Variants in PROM1 observed in about 807,000 individuals in gnomAD.
PROM1 encodes prominin-1.
PROM1 carries 105 observed loss-of-function variants against 116.9 expected under a neutral mutation model. That is an observed-to-expected ratio of 0.90 (90% confidence interval 0.77 to 1.06). The LOEUF (loss-of-function observed/expected upper bound fraction) is 1.06, where lower values mean the gene tolerates loss of function less well. Among genes scored for constraint, PROM1 ranks in the 50% least tolerant of loss-of-function variants. The pLI, the probability that PROM1 is intolerant of heterozygous loss-of-function variation, is 0.00. For missense variants in PROM1, 1,122 were observed against 1,045.2 expected (o/e 1.07, Z -1.01); for synonymous variants, 393 against 387.0 (o/e 1.02, Z -0.18).
chr4:15,977,097 T>C (rs1716334521), intron 26 of PROM1, among the ~76,000 whole-genome samples: 1 of 152,196 alleles, frequency 6.6e-6, no homozygotes, highest in Non-Finnish European at 1.5e-5. Flanking sequence ...CCCCCTTTTT[T>C]TCACAACCAT....
At chr4:15,979,495 A>C (rs369940822) in intron 25 of PROM1, 32 bp from the exon 26 acceptor site, 28 of 1,587,062 alleles carry the variant, frequency 1.8e-5, no homozygotes, top group Non-Finnish European at 2.3e-5. Flanking sequence ...CAAAAACACC[A>C]TGTTATCTCT....
At chr4:15,992,452 G>T in intron 16 of PROM1, 61 bp from the exon 17 acceptor site, 4 of 1,556,884 alleles carry the variant, frequency 2.6e-6, no homozygotes, top group Non-Finnish European at 2.6e-6. Context: ...CAAACCAAAT[G>T]CTTTAAAAGA....
chr4:16,015,774 G>A (rs1728227384), intron 10 of PROM1, among the ~76,000 whole-genome samples: 1 of 151,972 alleles, frequency 6.6e-6, no homozygotes, highest in South Asian at 2.1e-4. Context: ...CAAGCAGAGG[G>A]AAGAGCATGT....
chr4:16,017,506 T>C (rs1166591677), intron 9 of PROM1, among the ~76,000 whole-genome samples: 6 of 152,220 alleles, frequency 3.9e-5, no homozygotes, highest in Non-Finnish European at 7.3e-5. Flanking sequence ...AATGTATCTA[T>C]ACTAAAATGT....
intron 26 of PROM1, among the ~76,000 whole-genome samples, chr4:15,976,620 T>C (rs1186698302): frequency 6.6e-6 from 1 of 152,216 alleles, no homozygotes; most frequent in Admixed American, 6.5e-5. Context: ...TTGGCTGTGA[T>C]GATCATGCCT....
In PROM1 at chr4:16,025,173, T is replaced by C. The variant is rs371353564; in HGVS notation, c.630+19A>G. 101 of 1,612,168 alleles carry C rather than the reference T, an allele frequency of 6.3e-5. No individual in the cohort carries two copies. The African/African-American group carries it at 1.2e-3, about 19-fold the overall frequency. Reference sequence around the variant, plus strand: ...CAAAAATATAAAGCATCGCGGTACATAGAGATGATGGTTTTTACCTCTGGA... The same window carrying C: ...CAAAAATATAAAGCATCGCGGTACACAGAGATGATGGTTTTTACCTCTGGA... On this transcript the variant is annotated intron_variant, in intron 6 of 27. Coordinates refer to ENST00000447510, the MANE Select transcript of PROM1 (RefSeq NM_006017.3).
intron 5 of PROM1, among the ~76,000 whole-genome samples, chr4:16,032,152 T>TC (rs1375391439): frequency 1.6e-5 from 2 of 128,816 alleles, no homozygotes; most frequent in Non-Finnish European, 3.7e-5. Context: ...TTCCTGATCT[T>TC]TTTTTTTTTT....
At chr4:15,987,847 A>T (rs922490428) in intron 19 of PROM1, 131 bp from the exon 20 acceptor site, 1 of 737,604 alleles carries the variant, frequency 1.4e-6, no homozygotes, top group African/African-American at 1.8e-5. Context: ...TCTAGAAAAA[A>T]TAACCAACAC....
At chr4:16,010,288 G>A (rs929988964) in intron 11 of PROM1, among the ~76,000 whole-genome samples, 1 of 152,100 alleles carries the variant, frequency 6.6e-6, no homozygotes, top group South Asian at 2.1e-4. Flanking sequence ...AGTTCTGAAG[G>A]TGGCTGTATC....
intron 10 of PROM1, among the ~76,000 whole-genome samples, chr4:16,014,993 C>A (rs896502715): frequency 6.6e-6 from 1 of 152,058 alleles, no homozygotes; most frequent in Non-Finnish European, 1.5e-5. Flanking sequence ...TGCAATGCTG[C>A]AGGAATGTAT....
At chr4:16,065,634 A>G (rs1741353430) in intron 2 of PROM1, among the ~76,000 whole-genome samples, 1 of 152,206 alleles carries the variant, frequency 6.6e-6, no homozygotes, top group Non-Finnish European at 1.5e-5. Flanking sequence ...TGCTTGCTAC[A>G]CATCTGCAGA....
intron 2 of PROM1, among the ~76,000 whole-genome samples, chr4:16,075,103 C>A (rs530936484): frequency 6.6e-5 from 10 of 152,250 alleles, no homozygotes; most frequent in African/African-American, 2.2e-4. Context: ...AAATGACAAA[C>A]AGCACTGTGT....
chr4:16,021,098 C>A (rs1464032063), intron 8 of PROM1, among the ~76,000 whole-genome samples: 734 of 129,772 alleles, frequency 5.7e-3, no homozygotes, highest in Middle Eastern at 8.1e-3. Context: ...CATTTTTAGC[C>A]AAAAAAAAAA....
At chr4:16,072,796 G>GAGATACTTTGC (rs1367980893) in intron 2 of PROM1, among the ~76,000 whole-genome samples, 3 of 152,174 alleles carry the variant, frequency 2.0e-5, no homozygotes, top group Non-Finnish European at 4.4e-5. Flanking sequence ...ATCAGTGCTT[G>GAGATACTTTGC]AGATACTTTG....
intron 8 of PROM1, among the ~76,000 whole-genome samples, chr4:16,021,743 A>G (rs1729950204): frequency 6.6e-6 from 1 of 151,538 alleles, no homozygotes; most frequent in Non-Finnish European, 1.5e-5. Context: ...CCATCTTAAC[A>G]CTCTTCAAGG....
chr4:16,016,127 G>C lies in PROM1; in HGVS notation c.1077+39C>G, dbSNP rs577172493. The C allele has an allele frequency of 2.5e-5, 37 of 1,481,768 alleles. 1 individual carries two copies. The South Asian group carries it at 4.3e-4, about 17-fold the overall frequency. 91.8% of individuals were successfully genotyped at this position (1,481,768 alleles called of 1,614,324 possible). A position where few individuals can be genotyped will look rare whatever the true frequency, so the allele number is the denominator to read the frequency against. On this transcript the variant is annotated intron_variant, in intron 10 of 27. Transcript: ENST00000447510. ...TATGTACTAGTCCACCCTTTAAAAT[G>C]ATATAAAATCAGTGATTGTATTTTT... is the stretch of plus-strand genomic sequence containing the variant.
intron 2 of PROM1, among the ~76,000 whole-genome samples, chr4:16,044,544 A>T (rs911347306): frequency 6.6e-6 from 1 of 152,182 alleles, no homozygotes; most frequent in African/African-American, 2.4e-5. Context: ...CACATAGTTC[A>T]GGGGGTCTTG....
Position 16,009,096 on chromosome 4 carries a change from AC to A in PROM1, c.1153del (p.Val385SerfsTer2). 6.2e-7 allele frequency: 1 copy of A among 1,612,840 alleles called. No homozygotes were observed. Among genetic ancestry groups the A allele is most frequent in the Non-Finnish European group, 8.5e-7 (1 of 1,179,256 alleles). On this transcript the variant is annotated frameshift_variant, in exon 12 of 28. Transcript: ENST00000447510. LOFTEE classifies it high-confidence loss of function. Reference sequence around the variant, plus strand: ...GATATCTGAACCAATGGAATTCAAGACCCTTTTGATACCTGAAAACAAAGAT... The same window carrying A: ...GATATCTGAACCAATGGAATTCAAGACCTTTTGATACCTGAAAACAAAGAT... Reference protein sequence around the residue: ...TTTVVAGIKRVLNSIGSDIDN... With the variant: ...TTTVVAGIKRXLNSIGSDIDN...
chr4:16,075,986 G>A lies in PROM1; in HGVS notation c.-80C>T. The A allele has an allele frequency of 6.1e-6, 9 of 1,478,512 alleles. No individual in the cohort carries two copies. The highest frequency in any genetic ancestry group is 8.1e-6 in the Non-Finnish European group (9 of 1,112,584). The allele number at this position is 1,478,512 out of a possible 1,614,324, so 91.6% of individuals were successfully genotyped here. A position where few individuals can be genotyped will look rare whatever the true frequency, so the allele number is the denominator to read the frequency against. ...CTTCTGGAAGCCTTGGGGAAGGCAAGCGTGTTCCTGGGCAGAAGAGGAGCA... is the reference window on the plus strand; with the variant it reads ...CTTCTGGAAGCCTTGGGGAAGGCAAACGTGTTCCTGGGCAGAAGAGGAGCA... On this transcript the variant is annotated 5_prime_UTR_variant, in exon 2 of 28. Transcript: ENST00000447510.
Sources: gnomAD v4.1 joint callset for allele counts (sites outside exome capture counted in the v4.1 genomes callset) on GRCh38, gnomAD v4.1.1 for gene constraint, MANE v1.5 for transcripts, NCBI Gene and HGNC (gene_info 2026-07-23, HGNC 2026-07-21) for gene names.